Variants in KCNB2 observed in about 807,000 individuals in gnomAD.
KCNB2 encodes the protein potassium voltage-gated channel subfamily B member 2.
A neutral mutation model predicts 61.5 loss-of-function variants in KCNB2; 15 were observed. The ratio of observed to expected loss-of-function variants is 0.24; its 90% CI spans 0.16 to 0.38. The LOEUF (loss-of-function observed/expected upper bound fraction) is 0.38. Among genes scored for constraint, KCNB2 ranks in the 10% least tolerant of loss-of-function variants. The pLI is 1.00. For missense variants in KCNB2, 828 were observed against 1,125.2 expected (o/e 0.74, Z 3.78); for synonymous variants, 457 against 446.0 (o/e 1.02, Z -0.31).
At chr8:72,636,086 G>T (rs1334922918) in intron 2 of KCNB2, among the ~76,000 whole-genome samples, 2 of 152,090 alleles carry the variant, frequency 1.3e-5, no homozygotes, top group Non-Finnish European at 2.9e-5. Context: ...GCTCTTATTC[G>T]GATGCTCAGA....
intron 2 of KCNB2, among the ~76,000 whole-genome samples, chr8:72,802,887 A>G (rs1809155209): frequency 6.6e-6 from 1 of 152,158 alleles, no homozygotes; most frequent in African/African-American, 2.4e-5. Context: ...CACATCAATA[A>G]AAGGTTTTCT....
intron 1 of KCNB2, among the ~76,000 whole-genome samples, chr8:72,544,780 G>A (rs1056633463): frequency 6.6e-6 from 1 of 152,202 alleles, no homozygotes; most frequent in African/African-American, 2.4e-5. Flanking sequence ...TCCAATGTAT[G>A]CATTCAGTGC....
intron 2 of KCNB2, among the ~76,000 whole-genome samples, chr8:72,867,618 C>T (rs1047528201): frequency 6.6e-6 from 1 of 152,302 alleles, no homozygotes; most frequent in Non-Finnish European, 1.5e-5. Context: ...ATGACACAAG[C>T]TACATTTGTC....
intron 2 of KCNB2, among the ~76,000 whole-genome samples, chr8:72,862,391 T>G (rs2129004118): frequency 6.6e-6 from 1 of 152,330 alleles, no homozygotes; most frequent in African/African-American, 2.4e-5. Context: ...CTGTGGCTAT[T>G]AGTTAAAAGT....
chr8:72,667,065 A>G (rs1055891061), intron 2 of KCNB2, among the ~76,000 whole-genome samples: 2 of 151,926 alleles, frequency 1.3e-5, no homozygotes, highest in African/African-American at 4.8e-5. Flanking sequence ...AGAGAAAGAG[A>G]GAAACTGAGA....
At chr8:72,851,091 G>A (rs974666168) in intron 2 of KCNB2, among the ~76,000 whole-genome samples, 2 of 8,050 alleles carry the variant, frequency 2.5e-4, no homozygotes, top group Middle Eastern at 0.5. Flanking sequence ...TATCTTCCTA[G>A]AAGCTAAAGC....
At chr8:72,709,620 CTGAG>C (rs1385064330) in intron 2 of KCNB2, among the ~76,000 whole-genome samples, 7 of 151,980 alleles carry the variant, frequency 4.6e-5, no homozygotes, top group African/African-American at 1.4e-4. Context: ...CTTCAACTAA[CTGAG>C]TGAGAACTCA....
chr8:72,747,826 T>A (rs1808104692), intron 2 of KCNB2, among the ~76,000 whole-genome samples: 1 of 152,224 alleles, frequency 6.6e-6, no homozygotes, highest in African/African-American at 2.4e-5. Flanking sequence ...ACTGTAATAT[T>A]GTCATGCTTA....
At position 72,710,574 on chromosome 8, in the gene KCNB2, C is replaced by G. The variant is rs140251982; in HGVS notation, c.579+142261C>G. 3.8e-3 allele frequency among the ~76,000 whole-genome samples: 571 copies of G among 152,200 alleles called. 2 individuals are homozygous for G. Among genetic ancestry groups the G allele is most frequent in the African/African-American group, 0.013 (538 of 41,536 alleles). On this transcript the variant is annotated intron_variant, in intron 2 of 2. Coordinates refer to ENST00000523207, the MANE Select transcript of KCNB2 (RefSeq NM_004770.3). ...AGGAAGAGCAAGCAGGCCCATGTAC[C>G]TCAGTAATGGCAACAGTCAGCCTCA...
At chr8:72,641,403 C>G (rs1393349464) in intron 2 of KCNB2, among the ~76,000 whole-genome samples, 2 of 152,024 alleles carry the variant, frequency 1.3e-5, no homozygotes, top group Admixed American at 6.6e-5. Context: ...GAGATATGTA[C>G]TGTGTGTTTC....
intron 2 of KCNB2, among the ~76,000 whole-genome samples, chr8:72,618,384 T>A (rs1487638068): frequency 6.6e-6 from 1 of 152,198 alleles, no homozygotes; most frequent in Non-Finnish European, 1.5e-5. Context: ...AAAATATGTT[T>A]GCTGTGTTGT....
At chr8:72,920,590 C>A (rs1181141036) in intron 2 of KCNB2, among the ~76,000 whole-genome samples, 2 of 149,892 alleles carry the variant, frequency 1.3e-5, no homozygotes, top group Non-Finnish European at 3.0e-5. Context: ...TCACAGTGAC[C>A]CTCGATTATG....
At chr8:72,913,410 A>G (rs558178314) in intron 2 of KCNB2, among the ~76,000 whole-genome samples, 11 of 152,352 alleles carry the variant, frequency 7.2e-5, no homozygotes, top group South Asian at 2.1e-4. Context: ...AAAATATCAT[A>G]TGTATTCAAC....
At chr8:72,883,709 T>C (rs569511745) in intron 2 of KCNB2, among the ~76,000 whole-genome samples, 14 of 152,340 alleles carry the variant, frequency 9.2e-5, no homozygotes, top group African/African-American at 3.1e-4. Context: ...GCCTAAATTA[T>C]CTTTTTTGTG....
chr8:72,856,833 C>T (rs1190032418), intron 2 of KCNB2, among the ~76,000 whole-genome samples: 1 of 152,154 alleles, frequency 6.6e-6, no homozygotes, highest in Non-Finnish European at 1.5e-5. Context: ...CATTTCTCCT[C>T]TTGCCCCAGA....
rs773657738 is a variant in KCNB2, at chr8:72,936,706, T to C, written c.1351T>C (p.Ser451Pro). 6.2e-7 allele frequency: 1 copy of C among 1,614,160 alleles called. No individual in the cohort carries two copies. The highest frequency in any genetic ancestry group is 8.5e-7 in the Non-Finnish European group (1 of 1,180,030). ...ERAKRNGSIV[S>P]MNLKDAFARS... ...GGCCAAAAGGAACGGAAGCATCGTT[T>C]CTATGAACTTAAAAGATGCCTTCGC... Residue 451 changes from serine (S) to proline (P), a missense_variant, in exon 3 of 3, where the codon TCT (serine) becomes CCT (proline). By Grantham distance (74) the Ser-to-Pro change is moderately conservative. Transcript: ENST00000523207. This position sits in a 1 kb window ranked among gnomAD's most constrained non-coding sequence, Gnocchi z 5.6.
intron 2 of KCNB2, among the ~76,000 whole-genome samples, chr8:72,651,946 T>A (rs1317687025): frequency 6.6e-6 from 1 of 152,158 alleles, no homozygotes; most frequent in Non-Finnish European, 1.5e-5. Flanking sequence ...CCCATCTTGG[T>A]AAATGATACT....
At chr8:72,846,105 G>A (rs377634203) in intron 2 of KCNB2, among the ~76,000 whole-genome samples, 1 of 152,130 alleles carries the variant, frequency 6.6e-6, no homozygotes, top group African/African-American at 2.4e-5. Context: ...CCTGGTCTGC[G>A]GGTTGTGAAG....
chr8:72,653,217 G>A (rs1806239675), intron 2 of KCNB2, among the ~76,000 whole-genome samples: 1 of 151,956 alleles, frequency 6.6e-6, no homozygotes, highest in African/African-American at 2.4e-5. Context: ...ATATTCTGAG[G>A]TTCTCCATGA....
Sources: gnomAD v4.1 joint callset for allele counts (sites outside exome capture counted in the v4.1 genomes callset) on GRCh38, gnomAD v4.1.1 for gene constraint, Gnocchi (gnomAD v3.1) non-coding constraint, MANE v1.5 for transcripts, NCBI Gene and HGNC (gene_info 2026-07-23, HGNC 2026-07-21) for gene names.